The following RSBN1L variants were observed in gnomAD, a reference collection of about 807,000 sequenced individuals.
RSBN1L encodes the protein lysine-specific demethylase RSBN1L.
RSBN1L carries 30 observed loss-of-function variants against 67.7 expected under a neutral mutation model. The ratio of observed to expected loss-of-function variants is 0.44; its 90% confidence interval spans 0.33 to 0.60. The LOEUF is 0.60. Ranked by LOEUF, RSBN1L falls within the 20% of genes least tolerant of loss-of-function variation. The pLI is 0.02. For missense variants in RSBN1L, 992 were observed against 1,031.7 expected (o/e 0.96, Z 0.53); for synonymous variants, 433 against 387.0 (o/e 1.12, Z -1.39).
chr7:77,707,441 G>A (rs1228766394), intron 1 of RSBN1L, among the ~76,000 whole-genome samples: 1 of 152,074 alleles, frequency 6.6e-6, no homozygotes, highest in Non-Finnish European at 1.5e-5. Flanking sequence ...TTTTTATTAA[G>A]AAATTAATTT....
At chr7:77,722,970 T>TC (rs1378673202) in intron 1 of RSBN1L, among the ~76,000 whole-genome samples, 1 of 106,664 alleles carries the variant, frequency 9.4e-6, no homozygotes, top group African/African-American at 5.2e-5. Flanking sequence ...TCTCTCTTCT[T>TC]TTTTTTTTTT....
At chr7:77,739,711 GAA>G (rs1158112982) in intron 2 of RSBN1L, among the ~76,000 whole-genome samples, 1,166 of 34,376 alleles carry the variant, frequency 0.034, 12 homozygotes, top group Middle Eastern at 0.045. Context: ...TTGGTCTCAG[GAA>G]AAAAAAAAAA....
At position 77,728,919 on chromosome 7, in the gene RSBN1L, T is replaced by C. The variant is rs1445053106; in HGVS notation, c.587-7491T>C. Among the ~76,000 whole-genome samples, 4 of 152,230 alleles carry C rather than the reference T, an allele frequency of 2.6e-5. No homozygotes were observed. The East Asian group carries it at 7.7e-4, about 29-fold the overall frequency. On this transcript the variant is annotated intron_variant, in intron 1 of 7. Coordinates refer to ENST00000334955, the MANE Select transcript of RSBN1L (RefSeq NM_198467.3). ...TTGAGTTCTGGGATATTGCTAACGA[T>C]AGTCTTGATCCTGGATATTTGTTTT...
At chr7:77,714,972 A>T (rs1395343547) in intron 1 of RSBN1L, among the ~76,000 whole-genome samples, 3 of 151,740 alleles carry the variant, frequency 2.0e-5, no homozygotes, top group Middle Eastern at 3.4e-3. Flanking sequence ...AAAAAAAAAA[A>T]AAAAAAATCT....
intron 6 of RSBN1L, among the ~76,000 whole-genome samples, chr7:77,776,396 T>G (rs1049053638): frequency 6.6e-6 from 1 of 152,222 alleles, no homozygotes; most frequent in Non-Finnish European, 1.5e-5. Flanking sequence ...AGAAAGGAAC[T>G]ACACCTTTTA....
intron 1 of RSBN1L, among the ~76,000 whole-genome samples, chr7:77,719,197 A>G (rs1055957873): frequency 6.6e-6 from 1 of 152,218 alleles, no homozygotes; most frequent in African/African-American, 2.4e-5. Flanking sequence ...CTTGGAGCAC[A>G]TTCCAATTGA....
At position 77,760,304 on chromosome 7, in the gene RSBN1L, A is replaced by G. The variant is rs570909132; in HGVS notation, c.1345-5191A>G. 6.6e-5 allele frequency among the ~76,000 whole-genome samples: 10 copies of G among 152,294 alleles called. No homozygotes were observed. In the South Asian group the frequency reaches 2.1e-3, roughly 32 times the overall value. ...ATTTTGGTATTGACACTTACTGGCAATGGGTACAATAGGTCTCCTACTTCT... is the reference window on the plus strand; with the variant it reads ...ATTTTGGTATTGACACTTACTGGCAGTGGGTACAATAGGTCTCCTACTTCT... On this transcript the variant is annotated intron_variant, in intron 3 of 7. Transcript: ENST00000334955.
intron 2 of RSBN1L, among the ~76,000 whole-genome samples, chr7:77,743,146 C>G (rs1791435409): frequency 6.6e-6 from 1 of 152,122 alleles, no homozygotes; most frequent in Admixed American, 6.5e-5. Flanking sequence ...TTTACCTCCC[C>G]AGGCTCAGGT....
At position 77,714,695 on chromosome 7, in the gene RSBN1L, G is replaced by A. The variant is rs1441576743; in HGVS notation, c.586+17640G>A. 3.9e-5 allele frequency among the ~76,000 whole-genome samples: 6 copies of A among 152,104 alleles called. No homozygotes were observed. The East Asian group carries it at 1.2e-3, about 29-fold the overall frequency. On this transcript the variant is annotated intron_variant, in intron 1 of 7. Coordinates refer to ENST00000334955, the MANE Select transcript of RSBN1L (RefSeq NM_198467.3). ...TTGTAGTGGGTGGCCGGGCACGGTG[G>A]CTCACACCTGTAATCCCAGCACTTT... is the stretch of plus-strand genomic sequence containing the variant.
At chr7:77,701,983 T>G (rs1790824722) in intron 1 of RSBN1L, among the ~76,000 whole-genome samples, 1 of 150,516 alleles carries the variant, frequency 6.6e-6, no homozygotes, top group African/African-American at 2.5e-5. Context: ...TAGCTTTTGT[T>G]TTTTTGAGAC....
intron 3 of RSBN1L, among the ~76,000 whole-genome samples, chr7:77,751,534 T>C (rs1385534964): frequency 1.3e-5 from 2 of 152,220 alleles, no homozygotes; most frequent in Admixed American, 1.3e-4. Flanking sequence ...TAGGGAGCTA[T>C]AGAGCATCCA....
At chr7:77,702,496 G>A (rs1183079656) in intron 1 of RSBN1L, among the ~76,000 whole-genome samples, 1 of 152,026 alleles carries the variant, frequency 6.6e-6, no homozygotes, top group African/African-American at 2.4e-5. Flanking sequence ...AGATCTTTGT[G>A]ATCATGAGCA....
intron 7 of RSBN1L, 24 bp from the exon 8 acceptor site, chr7:77,778,505 TA>T: frequency 6.3e-7 from 1 of 1,597,116 alleles, no homozygotes; most frequent in Admixed American, 1.7e-5. Context: ...GAGTTATTTG[TA>T]TTTCTTGTTT....
In RSBN1L at chr7:77,773,156, T is replaced by C; in HGVS notation, c.1635T>C (p.Asn545=). The C allele has an allele frequency of 6.3e-7, 1 of 1,579,136 alleles. No individual in the cohort carries two copies. Among genetic ancestry groups the C allele is most frequent in the Non-Finnish European group, 8.6e-7 (1 of 1,165,614 alleles). The change falls in exon 6 of 8, where the codon AAT becomes AAC. Residue 545 remains asparagine, a synonymous_variant. Transcript: ENST00000334955. ...TTTTTTTAAAAAACAGAACTACCAA[T>C]GAAATAAAAAATCTTCAGTACCTAC... ...KSPFKRKRTT[N]EIKNLQYLPR...
chr7:77,772,673 C>T (rs990967092), intron 5 of RSBN1L, among the ~76,000 whole-genome samples: 4 of 152,216 alleles, frequency 2.6e-5, no homozygotes, highest in African/African-American at 7.2e-5. Context: ...TAAACTCCCA[C>T]GAGAGTGGGG....
intron 1 of RSBN1L, among the ~76,000 whole-genome samples, chr7:77,709,680 A>G (rs1478920728): frequency 6.6e-6 from 1 of 151,476 alleles, no homozygotes; most frequent in Non-Finnish European, 1.5e-5. Context: ...TTCCAGCCCC[A>G]CCCCCTAATT....
intron 1 of RSBN1L, among the ~76,000 whole-genome samples, chr7:77,708,234 A>G (rs991301281): frequency 1.3e-5 from 2 of 151,908 alleles, no homozygotes; most frequent in African/African-American, 4.8e-5. Context: ...TGTGAATAAG[A>G]TTGTAGAGGC....
intron 3 of RSBN1L, among the ~76,000 whole-genome samples, chr7:77,760,696 C>T (rs1216655995): frequency 2.0e-5 from 3 of 152,076 alleles, no homozygotes; most frequent in Non-Finnish European, 4.4e-5. Context: ...TGCAGTGGTG[C>T]GATCTCGCTG....
chr7:77,710,815 C>G (rs996933469), intron 1 of RSBN1L, among the ~76,000 whole-genome samples: 2 of 152,050 alleles, frequency 1.3e-5, no homozygotes, highest in African/African-American at 4.8e-5. Context: ...TGGTTGGTCT[C>G]AAACTCCTGA....
Sources: gnomAD v4.1 joint callset for allele counts (sites outside exome capture counted in the v4.1 genomes callset) on GRCh38, gnomAD v4.1.1 for gene constraint, MANE v1.5 for transcripts, NCBI Gene and HGNC (gene_info 2026-07-23, HGNC 2026-07-21) for gene names.